PDE4D: variants seen among roughly 807,000 people sequenced by gnomAD.
PDE4D encodes the protein phosphodiesterase 4D.
In PDE4D, 24 loss-of-function variants were observed where a neutral mutation model predicts 87.4. That is an observed-to-expected ratio of 0.27 (90% CI 0.20 to 0.39). PDE4D has a LOEUF of 0.39. Among genes scored for constraint, PDE4D ranks in the 10% least tolerant of loss-of-function variants. PDE4D has a pLI of 1.00. For missense variants in PDE4D, 714 were observed against 1,041.0 expected (o/e 0.69, Z 4.32); for synonymous variants, 384 against 383.2 (o/e 1.00, Z -0.02).
Position 59,927,513 on chromosome 5 carries a change from C to T in PDE4D, c.272+60975G>A, listed in dbSNP as rs1284271126. Among the ~76,000 whole-genome samples, 4 of 152,200 alleles carry T rather than the reference C, an allele frequency of 2.6e-5. No individual in the cohort carries two copies. The South Asian group carries it at 6.2e-4, about 24-fold the overall frequency. ...TAAATTCTCATACTTTAAGAAGACA[C>T]ATGTGAATAAGAACATCAACAAAGT... On this transcript the variant is annotated intron_variant, in intron 3 of 16. Transcript: ENST00000502484.
chr5:60,016,393 T>C (rs1765527238), intron 2 of PDE4D, among the ~76,000 whole-genome samples: 1 of 151,792 alleles, frequency 6.6e-6, no homozygotes, highest in Admixed American at 6.6e-5. Context: ...CTGATCAGAG[T>C]GGGGGTTGTG....
chr5:59,444,278 T>C (rs75463518), intron 1 of PDE4D, among the ~76,000 whole-genome samples: 45 of 152,206 alleles, frequency 3.0e-4, no homozygotes, highest in African/African-American at 9.9e-4. Context: ...CTCATAGATA[T>C]GGAAAAATTG....
At chr5:59,589,805 C>A (rs1825671338) in intron 1 of PDE4D, among the ~76,000 whole-genome samples, 1 of 152,104 alleles carries the variant, frequency 6.6e-6, no homozygotes, top group Admixed American at 6.6e-5. Context: ...ATGATTTGGC[C>A]ATTAAACTAC....
At chr5:59,770,531 C>G (rs1246637084) in intron 1 of PDE4D, among the ~76,000 whole-genome samples, 1 of 152,048 alleles carries the variant, frequency 6.6e-6, no homozygotes, top group Non-Finnish European at 1.5e-5. Flanking sequence ...CGAGTAAAAA[C>G]TAGAATGAAC....
chr5:59,759,211 A>G (rs1028054988), intron 1 of PDE4D, among the ~76,000 whole-genome samples: 3 of 152,182 alleles, frequency 2.0e-5, no homozygotes, highest in Admixed American at 2.0e-4. Context: ...CTTTTCAATT[A>G]TAAAGAAATT....
chr5:60,499,097 T>C (rs950856513), intron 1 of PDE4D, among the ~76,000 whole-genome samples: 1 of 152,200 alleles, frequency 6.6e-6, no homozygotes, highest in African/African-American at 2.4e-5. Context: ...CCATATTTTA[T>C]CAATTTGAAA....
At position 60,085,150 on chromosome 5, in the gene PDE4D, G is replaced by A. The variant is rs867749497; in HGVS notation, c.43-96433C>T. On this transcript the variant is annotated intron_variant, in intron 2 of 16. Transcript: ENST00000502484. ...CTTTGTCCTGTATTTTTAAAGGTAG[G>A]AACCTGAAAAGATTATTCACAGGTT... 5.2e-4 allele frequency among the ~76,000 whole-genome samples: 79 copies of A among 152,202 alleles called. 1 individual carries two copies. The highest frequency in any genetic ancestry group is 3.4e-3 in the Middle Eastern group (1 of 294).
At chr5:60,263,655 C>T (rs1291252935) in intron 1 of PDE4D, among the ~76,000 whole-genome samples, 1 of 152,158 alleles carries the variant, frequency 6.6e-6, no homozygotes, top group Non-Finnish European at 1.5e-5. Flanking sequence ...TAAGCTCAAA[C>T]AAACTGACAC....
At chr5:59,090,577 C>A (rs1768523670) in intron 5 of PDE4D, among the ~76,000 whole-genome samples, 1 of 152,068 alleles carries the variant, frequency 6.6e-6, no homozygotes, top group South Asian at 2.1e-4. Context: ...ATCATCATCT[C>A]TTTTATACAT....
chr5:59,576,836 T>C (rs1583194375), intron 1 of PDE4D, among the ~76,000 whole-genome samples: 1 of 152,156 alleles, frequency 6.6e-6, no homozygotes, highest in African/African-American at 2.4e-5. Flanking sequence ...AATAGGACTT[T>C]TCCCACAAAT....
intron 1 of PDE4D, among the ~76,000 whole-genome samples, chr5:60,213,996 T>C (rs1403748944): frequency 1.3e-5 from 2 of 152,242 alleles, no homozygotes; most frequent in African/African-American, 4.8e-5. Context: ...TGGTTTCCCC[T>C]GAGCCTATCA....
intron 2 of PDE4D, among the ~76,000 whole-genome samples, chr5:60,048,595 T>A (rs1191656806): frequency 6.6e-6 from 1 of 152,124 alleles, no homozygotes. Context: ...TGCTTGTCTG[T>A]AAAGGATTTT....
At chr5:60,400,529 A>AG (rs1404363055) in intron 1 of PDE4D, among the ~76,000 whole-genome samples, 2 of 121,608 alleles carry the variant, frequency 1.6e-5, no homozygotes, top group African/African-American at 2.6e-5. Flanking sequence ...CTCAAAAAAA[A>AG]AAAAAAAAAA....
intron 1 of PDE4D, among the ~76,000 whole-genome samples, chr5:59,578,546 C>T (rs1439774020): frequency 6.6e-6 from 1 of 152,068 alleles, no homozygotes; most frequent in Non-Finnish European, 1.5e-5. Context: ...ATTCATTCAA[C>T]ATCACTGACC....
At chr5:59,348,529 A>T (rs1317340081) in intron 1 of PDE4D, among the ~76,000 whole-genome samples, 1 of 151,514 alleles carries the variant, frequency 6.6e-6, no homozygotes, top group Non-Finnish European at 1.5e-5. Flanking sequence ...TGAATGTTTA[A>T]TTCATTGTCA....
At chr5:59,588,407 A>G (rs1825493861) in intron 1 of PDE4D, among the ~76,000 whole-genome samples, 1 of 152,224 alleles carries the variant, frequency 6.6e-6, no homozygotes, top group African/African-American at 2.4e-5. Context: ...ACTTTGCAGT[A>G]GAAGTACACT....
At position 59,985,241 on chromosome 5, in the gene PDE4D, C is replaced by G. The variant is rs183231931; in HGVS notation, c.272+3247G>C. Among the ~76,000 whole-genome samples the G allele has an allele frequency of 1.5e-4, 23 of 151,266 alleles. No individual in the cohort carries two copies. In the East Asian group the frequency reaches 4.5e-3, roughly 30 times the overall value. On this transcript the variant is annotated intron_variant, in intron 3 of 16. Coordinates refer to the PDE4D transcript ENST00000502484. ...GCAACCTCTGCCTCCCGGGTTCACGCCATCCTCTTGCCTCAGCCTCCTGAG... is the reference window on the plus strand; with the variant it reads ...GCAACCTCTGCCTCCCGGGTTCACGGCATCCTCTTGCCTCAGCCTCCTGAG...
chr5:60,443,945 C>T (rs1745438416), intron 1 of PDE4D, among the ~76,000 whole-genome samples: 1 of 150,246 alleles, frequency 6.7e-6, no homozygotes, highest in African/African-American at 2.4e-5. Flanking sequence ...TATCCCACCT[C>T]ACCCACCCTA....
intron 1 of PDE4D, among the ~76,000 whole-genome samples, chr5:60,348,904 C>T (rs998241240): frequency 6.6e-6 from 1 of 152,000 alleles, no homozygotes; most frequent in Non-Finnish European, 1.5e-5. Flanking sequence ...TTGGGGACCA[C>T]TAGGAAAAAG....
Sources: gnomAD v4.1 joint callset for allele counts (sites outside exome capture counted in the v4.1 genomes callset) on GRCh38, gnomAD v4.1.1 for gene constraint, MANE v1.5 for transcripts, NCBI Gene and HGNC (gene_info 2026-07-23, HGNC 2026-07-21) for gene names.